Variants in KCND2 observed in about 807,000 individuals in gnomAD.
KCND2 encodes the protein potassium voltage-gated channel subfamily D member 2, also known as A-type voltage-gated potassium channel KCND2.
In KCND2, 16 loss-of-function variants were observed where a neutral mutation model predicts 54.4. That is an observed-to-expected ratio of 0.29 (90% confidence interval 0.20 to 0.45). The LOEUF is 0.45. Ranked by LOEUF, KCND2 falls within the 20% of genes least tolerant of loss-of-function variation. The pLI, the probability that KCND2 is intolerant of heterozygous loss-of-function variation, is 1.00. For synonymous variants in KCND2, 317 were observed against 310.7 expected (o/e 1.02, Z -0.21); for missense variants, 486 against 824.2 (o/e 0.59, Z 5.02).
At chr7:120,533,855 G>C (rs1287455222) in intron 1 of KCND2, among the ~76,000 whole-genome samples, 1 of 152,088 alleles carries the variant, frequency 6.6e-6, no homozygotes, top group Non-Finnish European at 1.5e-5. Flanking sequence ...AGAGTAAGTA[G>C]TTGTCTCCTT....
chr7:120,338,249 A>G (rs961129625), intron 1 of KCND2, among the ~76,000 whole-genome samples: 2 of 152,134 alleles, frequency 1.3e-5, no homozygotes, highest in African/African-American at 4.8e-5. Flanking sequence ...TACAATTCAG[A>G]CATAGTGTTT....
intron 1 of KCND2, among the ~76,000 whole-genome samples, chr7:120,381,325 C>T (rs1800913032): frequency 6.6e-6 from 1 of 151,910 alleles, no homozygotes; most frequent in African/African-American, 2.4e-5. Context: ...TCTCAGCATG[C>T]ATTGCTAAAG....
At chr7:120,488,457 C>A (rs1269239116) in intron 1 of KCND2, among the ~76,000 whole-genome samples, 2 of 151,964 alleles carry the variant, frequency 1.3e-5, no homozygotes, top group Admixed American at 6.6e-5. Context: ...AAAAAGTTAC[C>A]TCCATTCTTT....
At chr7:120,552,147 TATATGTG>T (rs1284184218) in intron 1 of KCND2, among the ~76,000 whole-genome samples, 2 of 152,208 alleles carry the variant, frequency 1.3e-5, no homozygotes, top group Admixed American at 6.5e-5. Flanking sequence ...TATAATCCCA[TATATGTG>T]ATTAATAGTG....
At chr7:120,660,306 C>A (rs1230721587) in intron 1 of KCND2, among the ~76,000 whole-genome samples, 1 of 152,164 alleles carries the variant, frequency 6.6e-6, no homozygotes, top group Non-Finnish European at 1.5e-5. Flanking sequence ...TACATTCTTT[C>A]TTTTTAATTT....
intron 1 of KCND2, among the ~76,000 whole-genome samples, chr7:120,285,534 A>G (rs1799327150): frequency 6.6e-6 from 1 of 152,022 alleles, no homozygotes; most frequent in South Asian, 2.1e-4. Flanking sequence ...GAAATAGGAC[A>G]TAAGAATAGA....
chr7:120,331,433 T>A (rs1206999469), intron 1 of KCND2, among the ~76,000 whole-genome samples: 1 of 152,010 alleles, frequency 6.6e-6, no homozygotes, highest in Non-Finnish European at 1.5e-5. Context: ...CCTAGGTAGT[T>A]TTTAAAATTA....
chr7:120,377,956 A>C (rs1800859583), intron 1 of KCND2, among the ~76,000 whole-genome samples: 1 of 152,064 alleles, frequency 6.6e-6, no homozygotes, highest in East Asian at 1.9e-4. Context: ...CACTAAAGCA[A>C]TTAAATTATT....
At chr7:120,701,595 AAAAACAGACACACAGACCAATGAAACAG>A (rs1792403409) in intron 1 of KCND2, among the ~76,000 whole-genome samples, 1 of 152,150 alleles carries the variant, frequency 6.6e-6, no homozygotes, top group African/African-American at 2.4e-5. Context: ...GTACTGGTAT[AAAAACAGACACACAGACCAATGAAACAG>A]AATGGAGAGC....
At chr7:120,498,957 T>A (rs1202800950) in intron 1 of KCND2, among the ~76,000 whole-genome samples, 2 of 152,150 alleles carry the variant, frequency 1.3e-5, no homozygotes, top group African/African-American at 4.8e-5. Context: ...GCATGATCAC[T>A]TGAAGATATA....
At chr7:120,400,121 C>A (rs982014782) in intron 1 of KCND2, among the ~76,000 whole-genome samples, 1 of 152,090 alleles carries the variant, frequency 6.6e-6, no homozygotes, top group East Asian at 1.9e-4. Context: ...TAATGCCTTA[C>A]GGAACAGCAG....
chr7:120,365,068 G>C (rs1469435160), intron 1 of KCND2, among the ~76,000 whole-genome samples: 2 of 151,964 alleles, frequency 1.3e-5, no homozygotes, highest in Non-Finnish European at 2.9e-5. Flanking sequence ...TAACAAGATG[G>C]TGAGTATGTG....
chr7:120,383,436 G>C (rs1185312497), intron 1 of KCND2, among the ~76,000 whole-genome samples: 8 of 151,572 alleles, frequency 5.3e-5, no homozygotes, highest in Non-Finnish European at 1.5e-5. Flanking sequence ...CTTCTTTTTC[G>C]TTAGAAAATA....
Position 120,463,901 on chromosome 7 carries a change from T to A in KCND2, c.1115+188154T>A, listed in dbSNP as rs12333793. 7.3e-3 allele frequency: 1,184 copies of A among 161,896 alleles called. 20 individuals carry two copies. Among genetic ancestry groups the A allele is most frequent in the African/African-American group, 0.025 (987 of 39,072 alleles). 10.0% of individuals were successfully genotyped at this position (161,896 alleles called of 1,614,324 possible). A position where few individuals can be genotyped will look rare whatever the true frequency, so the allele number is the denominator to read the frequency against. On this transcript the variant is annotated intron_variant, in intron 1 of 5. Coordinates refer to ENST00000331113, the MANE Select transcript of KCND2 (RefSeq NM_012281.3). ...GGTAGATAGAAGATAGATAGATGATTGATAGATAGATAGATAGATAGATAG... is the reference window on the plus strand; with the variant it reads ...GGTAGATAGAAGATAGATAGATGATAGATAGATAGATAGATAGATAGATAG...
At chr7:120,417,686 C>G (rs955900355) in intron 1 of KCND2, among the ~76,000 whole-genome samples, 2 of 152,152 alleles carry the variant, frequency 1.3e-5, no homozygotes, top group Non-Finnish European at 2.9e-5. Flanking sequence ...AGAAAGCAAT[C>G]TGGTTTTCTG....
chr7:120,640,153 T>C (rs75041290), intron 1 of KCND2, among the ~76,000 whole-genome samples: 2,230 of 152,282 alleles, frequency 0.015, 56 homozygotes, highest in African/African-American at 0.051. Flanking sequence ...AGTCTTGTAA[T>C]AGATTGAGCC....
intron 1 of KCND2, among the ~76,000 whole-genome samples, chr7:120,536,240 A>C (rs901861475): frequency 6.6e-6 from 1 of 152,160 alleles, no homozygotes; most frequent in Non-Finnish European, 1.5e-5. Flanking sequence ...ATATACCTTA[A>C]TTAAAAAAAT....
intron 1 of KCND2, among the ~76,000 whole-genome samples, chr7:120,682,720 A>G (rs1383337995): frequency 1.3e-5 from 2 of 152,106 alleles, no homozygotes; most frequent in Non-Finnish European, 2.9e-5. Flanking sequence ...CATTCGTTGA[A>G]ATGCTTTAGC....
chr7:120,440,141 G>A (rs142751482), intron 1 of KCND2, among the ~76,000 whole-genome samples: 2 of 151,874 alleles, frequency 1.3e-5, no homozygotes, highest in East Asian at 1.9e-4. Context: ...ATTTCTCCAC[G>A]CTCTCACCAG....
Sources: gnomAD v4.1 joint callset for allele counts (sites outside exome capture counted in the v4.1 genomes callset) on GRCh38, gnomAD v4.1.1 for gene constraint, MANE v1.5 for transcripts, NCBI Gene and HGNC (gene_info 2026-07-23, HGNC 2026-07-21) for gene names.